Variants in CNGB3 observed in about 807,000 individuals in gnomAD.
The protein encoded by CNGB3 is cyclic nucleotide-gated channel beta-3.
Under a neutral mutation model 92.8 loss-of-function variants are expected in CNGB3, and 86 were observed. The ratio of observed to expected loss-of-function variants is 0.93; its 90% CI spans 0.78 to 1.11. The LOEUF (loss-of-function observed/expected upper bound fraction) is 1.11. Ranked by LOEUF, CNGB3 falls within the 50% of genes least tolerant of loss-of-function variation. CNGB3 has a pLI of 0.00. For synonymous variants in CNGB3, 333 were observed against 332.7 expected (o/e 1.00, Z -0.01); for missense variants, 1,026 against 956.8 (o/e 1.07, Z -0.95).
intron 2 of CNGB3, among the ~76,000 whole-genome samples, chr8:86,727,810 G>C (rs1001330805): frequency 6.6e-6 from 1 of 151,996 alleles, no homozygotes; most frequent in Admixed American, 6.6e-5. Context: ...TTATTTTCTT[G>C]TAATACATAT....
intron 13 of CNGB3, among the ~76,000 whole-genome samples, chr8:86,623,727 C>G (rs185390238): frequency 2.0e-4 from 31 of 152,242 alleles, no homozygotes. Context: ...TGGTTTCCAG[C>G]CCACCCAACC....
chr8:86,685,860 T>C (rs1457413092), intron 3 of CNGB3, among the ~76,000 whole-genome samples: 1 of 152,096 alleles, frequency 6.6e-6, no homozygotes, highest in Non-Finnish European at 1.5e-5. Flanking sequence ...TTAGAATACA[T>C]GGAACACAAC....
chr8:86,626,315 C>T lies in CNGB3; in HGVS notation c.1481-235G>A, dbSNP rs961610267. Reference sequence around the variant, plus strand: ...AGTATTTTTAACCCTGGATGACATACTGAATAATTCCAGAACATTATGCTT... The same window carrying T: ...AGTATTTTTAACCCTGGATGACATATTGAATAATTCCAGAACATTATGCTT... On this transcript the variant is annotated intron_variant, in intron 12 of 17. Coordinates refer to ENST00000320005, the MANE Select transcript of CNGB3 (RefSeq NM_019098.5). Among the ~76,000 whole-genome samples the T allele has an allele frequency of 3.3e-5, 5 of 152,208 alleles. No homozygotes were observed. In the East Asian group the frequency reaches 9.6e-4, roughly 29 times the overall value.
intron 15 of CNGB3, among the ~76,000 whole-genome samples, chr8:86,585,173 A>G (rs1821868297): frequency 6.6e-6 from 1 of 152,294 alleles, no homozygotes; most frequent in South Asian, 2.1e-4. Context: ...GTATTCAGGG[A>G]CTGTGTAAGA....
At chr8:86,662,045 C>A (rs143459261) in intron 6 of CNGB3, 8 of 301,338 alleles carry the variant, frequency 2.7e-5, no homozygotes, top group Middle Eastern at 9.6e-4. Flanking sequence ...TGCAGGGCTG[C>A]GAGGGTGCGC....
chr8:86,726,652 G>A lies in CNGB3; in HGVS notation c.217C>T (p.Leu73Phe). 1 of 1,613,524 alleles carries A rather than the reference G, an allele frequency of 6.2e-7. No individual in the cohort carries two copies. The change falls in exon 3 of 18, where the codon CTC becomes TTC. Residue 73 changes from leucine (L) to phenylalanine (F), a missense_variant. By Grantham distance (22) the Leu-to-Phe change is conservative. Transcript: ENST00000320005. ...EEPHTNIQDK[L>F]SKKNSSGDLT... is the part of the protein sequence containing the mutation. ...TCTCCAGAGGAATTTTTCTTGGAGA[G>A]TTTGTCTATGAAAAAAAAATTCACA... is the stretch of plus-strand genomic sequence containing the variant.
intron 3 of CNGB3, among the ~76,000 whole-genome samples, chr8:86,695,168 C>T (rs1389101253): frequency 1.3e-5 from 2 of 150,654 alleles, no homozygotes; most frequent in African/African-American, 4.9e-5. Flanking sequence ...GTGGCGGTGG[C>T]GCCTGCAATC....
chr8:86,716,015 A>G (rs1229108738), intron 3 of CNGB3, among the ~76,000 whole-genome samples: 2 of 152,124 alleles, frequency 1.3e-5, no homozygotes, highest in Admixed American at 6.5e-5. Context: ...ATTCAGTGAA[A>G]TAGATAACAT....
At chr8:86,624,803 C>T (rs537710545) in intron 13 of CNGB3, among the ~76,000 whole-genome samples, 1 of 152,298 alleles carries the variant, frequency 6.6e-6, no homozygotes, top group Admixed American at 6.5e-5. Flanking sequence ...AATCTTTTGT[C>T]GAATTGCAAT....
At chr8:86,603,540 G>A (rs1313022106) in intron 15 of CNGB3, among the ~76,000 whole-genome samples, 2 of 152,178 alleles carry the variant, frequency 1.3e-5, no homozygotes, top group Admixed American at 1.3e-4. Context: ...ATGCCAGGCA[G>A]TGTTCTAAGT....
intron 3 of CNGB3, among the ~76,000 whole-genome samples, chr8:86,703,451 T>C (rs1478358440): frequency 6.6e-6 from 1 of 152,230 alleles, no homozygotes; most frequent in Non-Finnish European, 1.5e-5. Context: ...CTCATTTCCG[T>C]CTACCCCTTA....
intron 14 of CNGB3, among the ~76,000 whole-genome samples, chr8:86,608,897 C>T (rs568319989): frequency 5.9e-5 from 9 of 152,244 alleles, no homozygotes; most frequent in Middle Eastern, 3.4e-3. Flanking sequence ...GGGCCACTAC[C>T]GGTCTCCGCG....
intron 15 of CNGB3, among the ~76,000 whole-genome samples, chr8:86,588,231 AT>A (rs1406138328): frequency 4.1e-5 from 6 of 145,622 alleles, no homozygotes; most frequent in African/African-American, 8.0e-5. Flanking sequence ...GCTTAAGGAG[AT>A]TTTGGGCTGA....
chr8:86,626,040 C>A lies in CNGB3; in HGVS notation c.1521G>T (p.Gln507His), dbSNP rs554578445. The A allele has an allele frequency of 6.2e-7, 1 of 1,613,754 alleles. No homozygotes were observed. Among genetic ancestry groups the A allele is most frequent in the Non-Finnish European group, 8.5e-7 (1 of 1,179,882 alleles). Residue 507 changes from glutamine to histidine, a missense_variant, in exon 13 of 18, where the codon CAG becomes CAT. By Grantham distance (24) the Gln-to-His change is conservative (BLOSUM62 0). Transcript: ENST00000320005. ...DLLKTLPTTV[Q>H]LALAIDVNFS... The stretch of plus-strand genomic sequence containing the variant: ...AGTTCACATCAATGGCGAGGGCTAA[C>A]TGGACCGTAGTTGGTAGGGTCTTAA...
chr8:86,714,067 G>A (rs542198909), intron 3 of CNGB3, among the ~76,000 whole-genome samples: 2 of 152,100 alleles, frequency 1.3e-5, no homozygotes, highest in Non-Finnish European at 2.9e-5. Flanking sequence ...CACTCTTGGT[G>A]TTGAACATTC....
intron 15 of CNGB3, among the ~76,000 whole-genome samples, chr8:86,589,911 G>A (rs1476684686): frequency 2.2e-4 from 33 of 151,586 alleles, no homozygotes; most frequent in South Asian, 8.4e-4. Flanking sequence ...TTTCTGTCTC[G>A]TTGATCTGTC....
chr8:86,600,438 C>A (rs1563722245), intron 15 of CNGB3, among the ~76,000 whole-genome samples: 1 of 152,076 alleles, frequency 6.6e-6, no homozygotes, highest in Non-Finnish European at 1.5e-5. Flanking sequence ...ATATAATTTT[C>A]TTTTGTTTCT....
chr8:86,703,071 A>G (rs745587761), intron 3 of CNGB3, among the ~76,000 whole-genome samples: 1 of 152,074 alleles, frequency 6.6e-6, no homozygotes, highest in Non-Finnish European at 1.5e-5. Context: ...TTTCTTTTAC[A>G]TACAGTTTAC....
At chr8:86,625,873 T>G (rs1822836143) in intron 13 of CNGB3, 110 bp downstream of exon 13, 1 of 863,576 alleles carries the variant, frequency 1.2e-6, no homozygotes, top group African/African-American at 1.7e-5. Flanking sequence ...CTAGGTTATT[T>G]TGACTTTGTT....
Sources: allele counts gnomAD v4.1 joint callset (sites outside exome capture counted in the v4.1 genomes callset), GRCh38; gene constraint gnomAD v4.1.1; transcripts MANE v1.5; gene names NCBI Gene and HGNC (gene_info 2026-07-23, HGNC 2026-07-21).